LMX1A: variants seen among roughly 807,000 people sequenced by gnomAD.
LMX1A encodes the protein LIM homeobox transcription factor 1-alpha.
In LMX1A, 15 loss-of-function variants were observed where a neutral mutation model predicts 49.1. That is an observed-to-expected ratio of 0.31 (90% CI 0.20 to 0.47). LMX1A has a LOEUF of 0.47. Among genes scored for constraint, LMX1A ranks in the 20% least tolerant of loss-of-function variants. The pLI is 1.00. For synonymous variants in LMX1A, 167 were observed against 185.7 expected (o/e 0.90, Z 0.82); for missense variants, 372 against 475.8 (o/e 0.78, Z 2.03).
At chr1:165,331,248 C>T (rs1416642284) in intron 3 of LMX1A, among the ~76,000 whole-genome samples, 2 of 151,734 alleles carry the variant, frequency 1.3e-5, no homozygotes, top group Admixed American at 1.3e-4. Flanking sequence ...AAAATATGTT[C>T]AAAAAAGGAA....
chr1:165,268,759 G>A (rs1352012209), intron 3 of LMX1A, among the ~76,000 whole-genome samples: 1 of 152,214 alleles, frequency 6.6e-6, no homozygotes, highest in Non-Finnish European at 1.5e-5. Context: ...CCAGTCATCA[G>A]CAGCAAATAA....
intron 3 of LMX1A, among the ~76,000 whole-genome samples, chr1:165,290,554 C>T (rs1172422834): frequency 6.6e-6 from 1 of 152,122 alleles, no homozygotes; most frequent in Admixed American, 6.5e-5. Flanking sequence ...TCTCAAGATC[C>T]TTAATTTAAT....
chr1:165,242,132 AT>A lies in LMX1A; in HGVS notation c.496+7275del, dbSNP rs146768369. Reference sequence around the variant, plus strand: ...GAATTTATTCACACAATAAGCAAACATTTACTGAGTGCCTATTGCATGCCAG... The same window carrying A: ...GAATTTATTCACACAATAAGCAAACATTACTGAGTGCCTATTGCATGCCAG... On this transcript the variant is annotated intron_variant, in intron 4 of 8. Coordinates refer to ENST00000342310, the MANE Select transcript of LMX1A (RefSeq NM_177398.4). Among the ~76,000 whole-genome samples, 178 of 152,302 alleles carry A rather than the reference AT, an allele frequency of 1.2e-3. 2 individuals are homozygous for A. The East Asian group carries it at 0.028, about 24-fold the overall frequency.
chr1:165,289,254 AAGAG>A (rs747250720), intron 3 of LMX1A, among the ~76,000 whole-genome samples: 1 of 134,434 alleles, frequency 7.4e-6, no homozygotes, highest in Non-Finnish European at 1.7e-5. Flanking sequence ...AAAAAAAAAA[AAGAG>A]AGAGAGAGAG....
chr1:165,220,394 G>A (rs933314182), intron 4 of LMX1A, among the ~76,000 whole-genome samples: 8 of 152,218 alleles, frequency 5.3e-5, no homozygotes, highest in Non-Finnish European at 8.8e-5. Context: ...TGGGAAGAAG[G>A]AGGTGTTACA....
chr1:165,255,284 C>T (rs1460875499), intron 3 of LMX1A, among the ~76,000 whole-genome samples: 1 of 152,228 alleles, frequency 6.6e-6, no homozygotes, highest in Non-Finnish European at 1.5e-5. Flanking sequence ...TTCTTTCTCC[C>T]TGCACCTCCT....
intron 2 of LMX1A, among the ~76,000 whole-genome samples, 182 bp from the exon 3 acceptor site, chr1:165,353,444 A>G (rs1656495762): frequency 6.6e-6 from 1 of 152,142 alleles, no homozygotes; most frequent in African/African-American, 2.4e-5. Flanking sequence ...TGGCGTTTCT[A>G]ATAAACGGAG....
intron 3 of LMX1A, among the ~76,000 whole-genome samples, chr1:165,345,612 T>C (rs1385031787): frequency 6.6e-6 from 1 of 152,140 alleles, no homozygotes; most frequent in East Asian, 1.9e-4. Flanking sequence ...TAGAGGCCCG[T>C]AAATGGTTAC....
chr1:165,236,624 C>G (rs1254071689), intron 4 of LMX1A, among the ~76,000 whole-genome samples: 1 of 152,126 alleles, frequency 6.6e-6, no homozygotes, highest in Non-Finnish European at 1.5e-5. Context: ...ATACTGCGTT[C>G]TCTTCTAACT....
chr1:165,319,175 A>G (rs1655309826), intron 3 of LMX1A, among the ~76,000 whole-genome samples: 2 of 152,214 alleles, frequency 1.3e-5, no homozygotes, highest in Non-Finnish European at 1.5e-5. Context: ...AAAGACAAGA[A>G]TGCTCCATAT....
At chr1:165,342,638 T>C (rs1656111795) in intron 3 of LMX1A, among the ~76,000 whole-genome samples, 1 of 152,136 alleles carries the variant, frequency 6.6e-6, no homozygotes. Context: ...AATGATTGTA[T>C]ATGAGCTGAT....
At chr1:165,286,907 T>C (rs1427085545) in intron 3 of LMX1A, among the ~76,000 whole-genome samples, 2 of 152,166 alleles carry the variant, frequency 1.3e-5, no homozygotes, top group Non-Finnish European at 2.9e-5. Context: ...AGTTTGGTGC[T>C]GAAAGAGAAC....
At chr1:165,246,758 C>A (rs1224086364) in intron 4 of LMX1A, among the ~76,000 whole-genome samples, 1 of 114,274 alleles carries the variant, frequency 8.8e-6, no homozygotes. Flanking sequence ...TAAACATACA[C>A]AATTCCTTCA....
At chr1:165,251,811 C>T (rs1039003208) in intron 3 of LMX1A, among the ~76,000 whole-genome samples, 1 of 152,038 alleles carries the variant, frequency 6.6e-6, no homozygotes, top group Non-Finnish European at 1.5e-5. Context: ...AGTGACTGCC[C>T]CTCCTTTGAA....
At chr1:165,310,309 T>C (rs541141792) in intron 3 of LMX1A, among the ~76,000 whole-genome samples, 2 of 152,346 alleles carry the variant, frequency 1.3e-5, no homozygotes, top group Admixed American at 1.3e-4. Flanking sequence ...CTCCAAGCTC[T>C]TACCAGGCAG....
chr1:165,228,283 A>C (rs574818250), intron 4 of LMX1A, among the ~76,000 whole-genome samples: 38 of 152,294 alleles, frequency 2.5e-4, no homozygotes, highest in Non-Finnish European at 4.4e-4. Flanking sequence ...GGCCCACTGC[A>C]GCTCCAGCTT....
chr1:165,254,239 A>C (rs1313427015), intron 3 of LMX1A, among the ~76,000 whole-genome samples: 2 of 151,440 alleles, frequency 1.3e-5, no homozygotes, highest in Non-Finnish European at 2.9e-5. Flanking sequence ...TTCATCCCCC[A>C]CTCCAAAAAT....
chr1:165,305,142 G>T (rs542049435), intron 3 of LMX1A, among the ~76,000 whole-genome samples: 3 of 152,314 alleles, frequency 2.0e-5, no homozygotes, highest in Admixed American at 1.3e-4. Context: ...CATAGTAGGT[G>T]CTAGTGAAAG....
chr1:165,257,726 G>A (rs903436265), intron 3 of LMX1A, among the ~76,000 whole-genome samples: 3 of 152,204 alleles, frequency 2.0e-5, no homozygotes, highest in African/African-American at 7.2e-5. Context: ...TTGGACCCAG[G>A]AAGACCTGAG....
Sources: allele counts gnomAD v4.1 joint callset (sites outside exome capture counted in the v4.1 genomes callset), GRCh38; gene constraint gnomAD v4.1.1; transcripts MANE v1.5; gene names NCBI Gene and HGNC (gene_info 2026-07-23, HGNC 2026-07-21).